The following PTPRD variants were observed in gnomAD, a reference collection of about 807,000 sequenced individuals.
PTPRD encodes protein tyrosine phosphatase receptor type D.
In PTPRD, 34 loss-of-function variants were observed where a neutral mutation model predicts 214.5. That is an observed-to-expected ratio of 0.16 (90% confidence interval 0.12 to 0.21). The LOEUF (loss-of-function observed/expected upper bound fraction) is 0.21. Among genes scored for constraint, PTPRD ranks in the 10% least tolerant of loss-of-function variants. The pLI, the probability that PTPRD is intolerant of heterozygous loss-of-function variation, is 1.00. For missense variants in PTPRD, 2,545 were observed against 2,398.7 expected (o/e 1.06, Z -1.27); for synonymous variants, 1,128 against 845.7 (o/e 1.33, Z -5.79).
chr9:8,349,313 A>G (rs948327482), intron 39 of PTPRD, among the ~76,000 whole-genome samples: 14 of 152,136 alleles, frequency 9.2e-5, no homozygotes, highest in African/African-American at 3.4e-4. Flanking sequence ...AAAGTATCCC[A>G]GCCTACTTTT....
chr9:9,736,317 C>G (rs1454536145), intron 6 of PTPRD, among the ~76,000 whole-genome samples: 1 of 152,006 alleles, frequency 6.6e-6, no homozygotes, highest in South Asian at 2.1e-4. Flanking sequence ...ACTTCCTTTC[C>G]TTTAAAATCT....
At chr9:10,257,232 A>C (rs1283779098) in intron 3 of PTPRD, among the ~76,000 whole-genome samples, 1 of 152,222 alleles carries the variant, frequency 6.6e-6, no homozygotes, top group Non-Finnish European at 1.5e-5. Flanking sequence ...TGATACAAGG[A>C]GAAAAGGTTG....
intron 11 of PTPRD, among the ~76,000 whole-genome samples, chr9:8,814,579 T>C (rs2096882490): frequency 6.6e-6 from 1 of 152,030 alleles, no homozygotes. Flanking sequence ...CAAGTCAAAA[T>C]GTGTTGAAAT....
At chr9:8,896,719 G>A (rs182387864) in intron 11 of PTPRD, among the ~76,000 whole-genome samples, 2 of 152,224 alleles carry the variant, frequency 1.3e-5, no homozygotes, top group East Asian at 3.9e-4. Flanking sequence ...CTGCATATAC[G>A]TAACTCCCAG....
At chr9:8,391,444 A>G (rs1461279263) in intron 36 of PTPRD, among the ~76,000 whole-genome samples, 1 of 152,140 alleles carries the variant, frequency 6.6e-6, no homozygotes, top group Non-Finnish European at 1.5e-5. Flanking sequence ...CTTTGTTGAT[A>G]AAGATCCTAT....
intron 10 of PTPRD, among the ~76,000 whole-genome samples, chr9:9,163,273 C>T (rs553517937): frequency 6.6e-6 from 1 of 152,032 alleles, no homozygotes; most frequent in Non-Finnish European, 1.5e-5. Flanking sequence ...GTTACTAAAA[C>T]TGCACATGGA....
chr9:9,062,648 C>T (rs956910547), intron 10 of PTPRD, among the ~76,000 whole-genome samples: 4 of 152,074 alleles, frequency 2.6e-5, no homozygotes, highest in African/African-American at 9.7e-5. Context: ...GCTGATTAAG[C>T]AGGAAGAGTT....
At position 10,304,968 on chromosome 9, in the gene PTPRD, A is replaced by G. The variant is rs538409847; in HGVS notation, c.-545+35995T>C. On this transcript the variant is annotated intron_variant, in intron 3 of 45. Coordinates refer to ENST00000381196, the MANE Select transcript of PTPRD (RefSeq NM_002839.4). ...ATTGCCGAGACAATCCTAAGCAAAG[A>G]GAACAAAGCTGGAGGCATCACACTA... Among the ~76,000 whole-genome samples the G allele has an allele frequency of 3.5e-4, 53 of 152,320 alleles. 1 individual carries two copies. Among genetic ancestry groups the G allele is most frequent in the African/African-American group, 1.0e-3 (43 of 41,580 alleles).
At chr9:9,691,465 C>G (rs1415299907) in intron 7 of PTPRD, among the ~76,000 whole-genome samples, 2 of 151,948 alleles carry the variant, frequency 1.3e-5, no homozygotes. Flanking sequence ...ATGACAGAAT[C>G]TCATTCTTTT....
At chr9:10,109,722 C>T (rs1382719554) in intron 3 of PTPRD, among the ~76,000 whole-genome samples, 3 of 152,114 alleles carry the variant, frequency 2.0e-5, no homozygotes, top group Non-Finnish European at 4.4e-5. Context: ...ATAGTATTTC[C>T]ATGGCAGTAT....
intron 14 of PTPRD, among the ~76,000 whole-genome samples, chr9:8,601,828 C>A (rs1032966402): frequency 6.6e-6 from 1 of 152,160 alleles, no homozygotes; most frequent in Non-Finnish European, 1.5e-5. Flanking sequence ...GAAAACCATA[C>A]ATTTATTAAT....
At chr9:8,862,119 G>C (rs2098117473) in intron 11 of PTPRD, 1 of 152,392 alleles carries the variant, frequency 6.6e-6, no homozygotes, top group East Asian at 1.9e-4. Flanking sequence ...CACTTTTGGA[G>C]GCCAAGGCAG....
intron 11 of PTPRD, among the ~76,000 whole-genome samples, chr9:8,972,458 T>C (rs1320715870): frequency 6.6e-6 from 1 of 151,308 alleles, no homozygotes; most frequent in African/African-American, 2.4e-5. Context: ...TGTCTTAGAA[T>C]ACATTTACAA....
intron 10 of PTPRD, among the ~76,000 whole-genome samples, chr9:9,148,519 A>T (rs2099872458): frequency 6.6e-6 from 1 of 152,184 alleles, no homozygotes; most frequent in Non-Finnish European, 1.5e-5. Flanking sequence ...CATGAACACC[A>T]AGTACTCACC....
intron 10 of PTPRD, among the ~76,000 whole-genome samples, chr9:9,058,334 A>T (rs1258374354): frequency 6.7e-6 from 1 of 148,952 alleles, no homozygotes; most frequent in African/African-American, 2.4e-5. Context: ...TTTGCTTCTG[A>T]TTTGTGTGAA....
chr9:10,022,713 G>T (rs1023574769), intron 4 of PTPRD, among the ~76,000 whole-genome samples: 1 of 152,132 alleles, frequency 6.6e-6, no homozygotes, highest in African/African-American at 2.4e-5. Context: ...TAGCAGTTAA[G>T]ATTTACATTG....
intron 9 of PTPRD, among the ~76,000 whole-genome samples, chr9:9,279,214 C>A (rs550986079): frequency 3.1e-4 from 47 of 149,686 alleles, no homozygotes; most frequent in African/African-American, 1.1e-3. Context: ...TTATATACAT[C>A]CAGATATACA....
At chr9:10,564,168 A>ATTTTTTTTTTTTTTTTTTTTTTTTT (rs1591017043) in intron 2 of PTPRD, among the ~76,000 whole-genome samples, 1 of 11,880 alleles carries the variant, frequency 8.4e-5, no homozygotes, top group Non-Finnish European at 1.9e-4. Flanking sequence ...ACACTAGGCT[A>ATTTTTTTTTTTTTTTTTTTTTTTTT]TTCTTTTTTT....
chr9:9,965,365 G>C (rs551409029), intron 4 of PTPRD, among the ~76,000 whole-genome samples: 1 of 152,128 alleles, frequency 6.6e-6, no homozygotes, highest in East Asian at 1.9e-4. Context: ...CTTTCAAAAC[G>C]GAGGAGACTG....
Sources: gnomAD v4.1 joint callset for allele counts (sites outside exome capture counted in the v4.1 genomes callset) on GRCh38, gnomAD v4.1.1 for gene constraint, MANE v1.5 for transcripts, NCBI Gene and HGNC (gene_info 2026-07-23, HGNC 2026-07-21) for gene names.